The following AMBRA1 variants were observed in gnomAD, a reference collection of about 807,000 sequenced individuals.
AMBRA1 encodes the protein activating molecule in BECN1-regulated autophagy protein 1.
Under a neutral mutation model 125.4 loss-of-function variants are expected in AMBRA1, and 47 were observed. That is an observed-to-expected ratio of 0.37 (90% CI 0.30 to 0.48). The LOEUF (loss-of-function observed/expected upper bound fraction) is 0.48. Ranked by LOEUF, AMBRA1 falls within the 20% of genes least tolerant of loss-of-function variation. The pLI, the probability that AMBRA1 is intolerant of heterozygous loss-of-function variation, is 0.99. For missense variants in AMBRA1, 1,331 were observed against 1,693.4 expected, an observed-to-expected ratio of 0.79 and a Z score of 3.76; for synonymous variants, 626 against 655.5, an observed-to-expected ratio of 0.95 and a Z score of 0.69.
chr11:46,441,008 A>C (rs772675450), intron 12 of AMBRA1, among the ~76,000 whole-genome samples: 1 of 152,210 alleles, frequency 6.6e-6, no homozygotes, highest in Admixed American at 6.5e-5. Context: ...AATGTACTAC[A>C]AGGTTTGGTG....
At chr11:46,528,115 T>C (rs1402764805) in intron 7 of AMBRA1, among the ~76,000 whole-genome samples, 2 of 152,220 alleles carry the variant, frequency 1.3e-5, no homozygotes, top group African/African-American at 2.4e-5. Context: ...GAATGGAATA[T>C]TATTCAGCCT....
At chr11:46,499,268 G>A (rs1950745669) in intron 9 of AMBRA1, among the ~76,000 whole-genome samples, 1 of 152,062 alleles carries the variant, frequency 6.6e-6, no homozygotes, top group African/African-American at 2.4e-5. Context: ...AAATCTAAGG[G>A]TTATGTCTTC....
intron 11 of AMBRA1, among the ~76,000 whole-genome samples, chr11:46,468,892 C>T (rs1949450707): frequency 6.6e-6 from 1 of 151,880 alleles, no homozygotes; most frequent in Admixed American, 6.6e-5. Flanking sequence ...GCCTGTAATC[C>T]CAGCACTTCA....
intron 9 of AMBRA1, among the ~76,000 whole-genome samples, chr11:46,503,321 G>C (rs1321606991): frequency 6.6e-6 from 1 of 152,158 alleles, no homozygotes; most frequent in Admixed American, 6.5e-5. Flanking sequence ...CCAAGAAGAG[G>C]AAGAGAGATG....
intron 7 of AMBRA1, among the ~76,000 whole-genome samples, chr11:46,534,828 G>A (rs1027608647): frequency 6.6e-5 from 10 of 152,138 alleles, no homozygotes; most frequent in Middle Eastern, 3.4e-3. Flanking sequence ...CACATGCCAC[G>A]ATGCCCAGCT....
At chr11:46,586,904 G>A (rs543684477) in intron 1 of AMBRA1, among the ~76,000 whole-genome samples, 9 of 151,956 alleles carry the variant, frequency 5.9e-5, no homozygotes, top group Non-Finnish European at 1.2e-4. Context: ...TTCAGTGGTC[G>A]CCTAGAATAA....
intron 15 of AMBRA1, among the ~76,000 whole-genome samples, chr11:46,413,019 A>C (rs1206882502): frequency 6.6e-6 from 1 of 152,212 alleles, no homozygotes; most frequent in East Asian, 1.9e-4. Flanking sequence ...CTGGTTAGTG[A>C]CAACAAACTG....
intron 14 of AMBRA1, chr11:46,428,508 C>T (rs1344941710): frequency 2.7e-6 from 2 of 748,926 alleles, no homozygotes; most frequent in Admixed American, 2.4e-5. Flanking sequence ...CAAACTACGC[C>T]TGGTGAGATT....
At chr11:46,482,446 AAGCAGCCAC>A (rs1292727307) in intron 11 of AMBRA1, among the ~76,000 whole-genome samples, 18 of 152,214 alleles carry the variant, frequency 1.2e-4, no homozygotes, top group African/African-American at 4.3e-4. Flanking sequence ...ATATTACAAA[AAGCAGCCAC>A]TGGCACTAAC....
intron 1 of AMBRA1, among the ~76,000 whole-genome samples, chr11:46,576,152 C>T (rs1046680837): frequency 6.6e-6 from 1 of 152,028 alleles, no homozygotes; most frequent in African/African-American, 2.4e-5. Flanking sequence ...GAAGACATCC[C>T]TGAGTATGGA....
chr11:46,545,186 A>G (rs1284095334), intron 5 of AMBRA1, among the ~76,000 whole-genome samples: 2 of 116,098 alleles, frequency 1.7e-5, no homozygotes, highest in East Asian at 2.6e-4. Flanking sequence ...GGTGGTGGGC[A>G]TGGTGGCTCA....
At chr11:46,447,769 T>C (rs946347020) in intron 11 of AMBRA1, among the ~76,000 whole-genome samples, 2 of 89,570 alleles carry the variant, frequency 2.2e-5, no homozygotes, top group African/African-American at 7.5e-5. Context: ...GATAGATAGA[T>C]AGATAGATAG....
Position 46,397,414 on chromosome 11 carries a change from G to A in AMBRA1, c.*36C>T. On this transcript the variant is annotated 3_prime_UTR_variant, in exon 18 of 18. Coordinates refer to ENST00000683756, the MANE Select transcript of AMBRA1 (RefSeq NM_001387011.1). ...AGCTGTGAGGTCCGGTTTCTGCTTG[G>A]CGGTTCGAGGGGAGGCACCAGTGCA... is the stretch of plus-strand genomic sequence containing the variant. The A allele has an allele frequency of 2.0e-6, 3 of 1,467,542 alleles. No homozygotes were observed. The highest frequency in any genetic ancestry group is 2.7e-6 in the Non-Finnish European group (3 of 1,107,586). 90.9% of individuals were successfully genotyped at this position (1,467,542 alleles called of 1,614,324 possible). A position where few individuals can be genotyped will look rare whatever the true frequency, so the allele number is the denominator to read the frequency against.
intron 14 of AMBRA1, among the ~76,000 whole-genome samples, chr11:46,430,871 A>G (rs1947426146): frequency 2.0e-5 from 3 of 152,184 alleles, no homozygotes; most frequent in African/African-American, 7.2e-5. Flanking sequence ...TTAGAGATGG[A>G]GACACCCACC....
intron 14 of AMBRA1, among the ~76,000 whole-genome samples, chr11:46,426,904 A>G (rs1947164881): frequency 6.6e-6 from 1 of 152,180 alleles, no homozygotes; most frequent in Admixed American, 6.5e-5. Context: ...CTTCCAGGAT[A>G]CAAAAATAAA....
intron 7 of AMBRA1, among the ~76,000 whole-genome samples, chr11:46,513,544 T>A (rs1200002393): frequency 6.6e-6 from 1 of 152,190 alleles, no homozygotes; most frequent in African/African-American, 2.4e-5. Context: ...ACTACATACA[T>A]GAGAACACTG....
intron 17 of AMBRA1, among the ~76,000 whole-genome samples, chr11:46,402,547 G>A (rs1459908009): frequency 1.3e-5 from 2 of 152,034 alleles, no homozygotes; most frequent in Admixed American, 1.3e-4. Flanking sequence ...TGTATTTTTA[G>A]TAGAGATGGG....
chr11:46,480,376 C>G (rs1005064041), intron 11 of AMBRA1, among the ~76,000 whole-genome samples: 3 of 152,014 alleles, frequency 2.0e-5, no homozygotes, highest in African/African-American at 7.3e-5. Context: ...ATGATGCAGA[C>G]CAGGCAAACT....
intron 7 of AMBRA1, among the ~76,000 whole-genome samples, chr11:46,522,618 T>G (rs568731972): frequency 6.6e-6 from 1 of 152,354 alleles, no homozygotes; most frequent in East Asian, 1.9e-4. Flanking sequence ...TAAGAGGCAG[T>G]GTATCCTAAT....
Sources: allele counts gnomAD v4.1 joint callset (sites outside exome capture counted in the v4.1 genomes callset), GRCh38; gene constraint gnomAD v4.1.1; transcripts MANE v1.5; gene names NCBI Gene and HGNC (gene_info 2026-07-23, HGNC 2026-07-21).